Variants in SDK1 observed in about 807,000 individuals in gnomAD.
The protein encoded by SDK1 is sidekick cell adhesion molecule 1.
Under a neutral mutation model 245.5 loss-of-function variants are expected in SDK1, and 157 were observed. The observed-to-expected ratio is 0.64, with a 90% CI of 0.56 to 0.73. The LOEUF (loss-of-function observed/expected upper bound fraction) is 0.73. SDK1 is among the 30% of genes least tolerant of loss of function. SDK1 has a pLI of 0.00. For missense variants in SDK1, 3,583 were observed against 3,002.3 expected, an observed-to-expected ratio of 1.19 and a Z score of -4.52; for synonymous variants, 1,647 against 1,278.5, an observed-to-expected ratio of 1.29 and a Z score of -6.15.
At chr7:3,607,354 A>G (rs1781456284) in intron 1 of SDK1, among the ~76,000 whole-genome samples, 1 of 152,174 alleles carries the variant, frequency 6.6e-6, no homozygotes, top group Non-Finnish European at 1.5e-5. Context: ...TCAACCACAT[A>G]TGAAGTAATT....
At chr7:3,343,646 C>A (rs560831153) in intron 1 of SDK1, among the ~76,000 whole-genome samples, 2 of 152,220 alleles carry the variant, frequency 1.3e-5, no homozygotes, top group African/African-American at 4.8e-5. Flanking sequence ...TTGTGGGAAA[C>A]TTGGTCAAGG....
chr7:4,240,436 T>C (rs1786447181), intron 42 of SDK1, among the ~76,000 whole-genome samples: 1 of 152,176 alleles, frequency 6.6e-6, no homozygotes, highest in African/African-American at 2.4e-5. Flanking sequence ...TCTGAATTCC[T>C]TTCTGATCTT....
chr7:3,354,906 A>C (rs1180397877), intron 1 of SDK1, among the ~76,000 whole-genome samples: 1 of 152,250 alleles, frequency 6.6e-6, no homozygotes, highest in Non-Finnish European at 1.5e-5. Flanking sequence ...GCTGTGTAAC[A>C]ATAGATGCTT....
chr7:3,490,634 GA>G (rs1384891010), intron 1 of SDK1, among the ~76,000 whole-genome samples: 1 of 152,162 alleles, frequency 6.6e-6, no homozygotes, highest in African/African-American at 2.4e-5. Flanking sequence ...AACACATGAA[GA>G]CCTGCATGCT....
chr7:3,457,080 T>C (rs1468701137), intron 1 of SDK1, among the ~76,000 whole-genome samples: 1 of 152,222 alleles, frequency 6.6e-6, no homozygotes, highest in Non-Finnish European at 1.5e-5. Flanking sequence ...GAAGTGCTTC[T>C]GACCACTGTT....
intron 5 of SDK1, among the ~76,000 whole-genome samples, chr7:3,836,444 A>C (rs113768117): frequency 0.015 from 2,220 of 152,312 alleles, 65 homozygotes; most frequent in African/African-American, 0.051. Context: ...AGATGTATTT[A>C]CTGAGTGTTC....
Position 4,049,426 on chromosome 7 carries a change from C to T in SDK1, c.2681C>T (p.Pro894Leu), listed in dbSNP as rs1274086167. The change falls in exon 18 of 45, where the codon CCT becomes CTT. Residue 894 changes from proline to leucine, a missense_variant. Physicochemically the swap from Pro to Leu is moderately conservative, Grantham distance 98. Coordinates refer to ENST00000404826, the MANE Select transcript of SDK1 (RefSeq NM_152744.4). The part of the protein sequence containing the change: ...TTIQFLWNPP[P>L]QQFINGINQG... ...ATTCAGTTCCTGTGGAACCCTCCGC[C>T]TCAGCAGTTTATCAATGGCATCAAC... is the stretch of plus-strand genomic sequence containing the variant. The T allele has an allele frequency of 1.2e-6, 2 of 1,614,158 alleles. No homozygotes were observed. The highest frequency in any genetic ancestry group is 8.5e-7 in the Non-Finnish European group (1 of 1,180,002).
chr7:4,088,477 T>G lies in SDK1; in HGVS notation c.3324+8893T>G, dbSNP rs527273454. ...TCAGGTATGACATTTACACCATTGATGTAGGCTTTTTAAAAAATATATCCA... is the reference window on the plus strand; with the variant it reads ...TCAGGTATGACATTTACACCATTGAGGTAGGCTTTTTAAAAAATATATCCA... On this transcript the variant is annotated intron_variant, in intron 22 of 44. Coordinates refer to ENST00000404826, the MANE Select transcript of SDK1 (RefSeq NM_152744.4). Among the ~76,000 whole-genome samples, 6 of 152,330 alleles carry G rather than the reference T, an allele frequency of 3.9e-5. No individual in the cohort carries two copies. The East Asian group carries it at 1.2e-3, about 29-fold the overall frequency.
At chr7:3,423,317 G>A (rs1779583120) in intron 1 of SDK1, among the ~76,000 whole-genome samples, 1 of 152,190 alleles carries the variant, frequency 6.6e-6, no homozygotes, top group African/African-American at 2.4e-5. Flanking sequence ...TGTCTTAGGA[G>A]GAGGAAATTA....
chr7:3,754,816 CGTTA>C (rs954593773), intron 4 of SDK1, among the ~76,000 whole-genome samples: 4 of 152,078 alleles, frequency 2.6e-5, no homozygotes, highest in Non-Finnish European at 5.9e-5. Flanking sequence ...ATAATGATGG[CGTTA>C]GTTAGGGGAA....
At chr7:3,917,586 C>T (rs576301374) in intron 5 of SDK1, among the ~76,000 whole-genome samples, 31 of 152,232 alleles carry the variant, frequency 2.0e-4, no homozygotes, top group Admixed American at 9.8e-4. Context: ...GGGGTGTGGG[C>T]AGTCAGGAAG....
chr7:3,508,922 AGTTT>A (rs1782486432), intron 1 of SDK1, among the ~76,000 whole-genome samples: 1 of 152,174 alleles, frequency 6.6e-6, no homozygotes, highest in Non-Finnish European at 1.5e-5. Context: ...TGCAGGATTT[AGTTT>A]GTTTTTCTGC....
chr7:4,062,152 A>C (rs1022134520), intron 19 of SDK1, among the ~76,000 whole-genome samples: 1 of 152,132 alleles, frequency 6.6e-6, no homozygotes, highest in Non-Finnish European at 1.5e-5. Flanking sequence ...AATAAAAACA[A>C]TACAAATGGT....
At chr7:4,127,784 G>A (rs1784489068) in intron 26 of SDK1, among the ~76,000 whole-genome samples, 1 of 152,238 alleles carries the variant, frequency 6.6e-6, no homozygotes, top group African/African-American at 2.4e-5. Context: ...GCCCTCGCTG[G>A]CCTCAGTGCC....
intron 4 of SDK1, among the ~76,000 whole-genome samples, chr7:3,789,903 G>A (rs1781027622): frequency 6.6e-6 from 1 of 152,024 alleles, no homozygotes; most frequent in African/African-American, 2.4e-5. Flanking sequence ...CTCGAGGACA[G>A]GCTGTGTTGG....
intron 5 of SDK1, among the ~76,000 whole-genome samples, chr7:3,822,555 A>G (rs41876): frequency 0.25 from 38,167 of 151,968 alleles, 5,892 homozygotes; most frequent in Non-Finnish European, 0.34. Context: ...ATATTACTTG[A>G]GGTCAAGAGT....
chr7:3,667,142 C>G (rs1246450786), intron 4 of SDK1, among the ~76,000 whole-genome samples: 1 of 151,994 alleles, frequency 6.6e-6, no homozygotes, highest in Admixed American at 6.6e-5. Context: ...TATCTGTGTA[C>G]CTTGGCAGAT....
intron 5 of SDK1, among the ~76,000 whole-genome samples, chr7:3,870,283 A>G (rs1562503153): frequency 6.6e-6 from 1 of 152,118 alleles, no homozygotes; most frequent in Non-Finnish European, 1.5e-5. Context: ...AGTGATTGCT[A>G]CTTTTCGTTA....
At chr7:4,217,325 A>G (rs1489428438) in intron 38 of SDK1, among the ~76,000 whole-genome samples, 4 of 126,018 alleles carry the variant, frequency 3.2e-5, no homozygotes, top group African/African-American at 1.2e-4. Flanking sequence ...CCGGAGCACC[A>G]GGCCACCCGG....
Sources: allele counts gnomAD v4.1 joint callset (sites outside exome capture counted in the v4.1 genomes callset), GRCh38; gene constraint gnomAD v4.1.1; transcripts MANE v1.5; gene names NCBI Gene and HGNC (gene_info 2026-07-23, HGNC 2026-07-21).